SLC4A4: variants seen among roughly 807,000 people sequenced by gnomAD.
The protein encoded by SLC4A4 is electrogenic sodium bicarbonate cotransporter 1.
In SLC4A4, 27 loss-of-function variants were observed where a neutral mutation model predicts 111.5. The observed-to-expected ratio is 0.24, with a 90% CI of 0.18 to 0.33. The LOEUF (loss-of-function observed/expected upper bound fraction) is 0.33, where lower values mean the gene tolerates loss of function less well. Among genes scored for constraint, SLC4A4 ranks in the 10% least tolerant of loss-of-function variants. The pLI is 1.00. For missense variants in SLC4A4, 909 were observed against 1,315.5 expected (o/e 0.69, Z 4.78); for synonymous variants, 443 against 463.4 (o/e 0.96, Z 0.57).
chr4:71,230,027 T>A (rs1719313283), intron 1 of SLC4A4, among the ~76,000 whole-genome samples: 1 of 152,036 alleles, frequency 6.6e-6, no homozygotes. Flanking sequence ...GAGCAGATTT[T>A]ACAAAACAAC....
At chr4:71,330,057 A>G (rs557736645) in intron 3 of SLC4A4, among the ~76,000 whole-genome samples, 3 of 152,188 alleles carry the variant, frequency 2.0e-5, no homozygotes, top group South Asian at 2.1e-4. Context: ...TTCAGCATCA[A>G]TTGAAATGAT....
intron 1 of SLC4A4, among the ~76,000 whole-genome samples, chr4:71,234,806 T>C (rs559872093): frequency 1.3e-5 from 2 of 152,318 alleles, no homozygotes; most frequent in Non-Finnish European, 2.9e-5. Flanking sequence ...CATTCAGTTT[T>C]CTATTTTTAG....
intron 14 of SLC4A4, among the ~76,000 whole-genome samples, chr4:71,480,372 AG>A (rs2149121070): frequency 6.6e-6 from 1 of 151,388 alleles, no homozygotes; most frequent in East Asian, 2.0e-4. Flanking sequence ...AAGGATAATA[AG>A]AAAAAAAAAA....
chr4:71,193,405 C>T (rs554805722), intron 1 of SLC4A4, among the ~76,000 whole-genome samples: 122 of 152,292 alleles, frequency 8.0e-4, no homozygotes, highest in East Asian at 3.5e-3. Context: ...GTGATCCGCC[C>T]GCCTTGGCCT....
At chr4:71,068,921 T>C (rs1741600768) in intron 1 of SLC4A4, among the ~76,000 whole-genome samples, 1 of 152,174 alleles carries the variant, frequency 6.6e-6, no homozygotes, top group Non-Finnish European at 1.5e-5. Context: ...TGGGAGTGAC[T>C]GATACAAAGT....
intron 7 of SLC4A4, among the ~76,000 whole-genome samples, chr4:71,422,532 C>A (rs1266369867): frequency 3.8e-4 from 58 of 151,782 alleles, no homozygotes; most frequent in Admixed American, 6.6e-4. Flanking sequence ...GAGACACAAC[C>A]AAAAAAGAGA....
intron 16 of SLC4A4, among the ~76,000 whole-genome samples, chr4:71,505,450 A>G (rs1731331891): frequency 6.6e-6 from 1 of 151,296 alleles, no homozygotes. Context: ...ATGATTAGTA[A>G]TGTTGAGGTT....
chr4:71,552,074 A>AG (rs1218951258), intron 20 of SLC4A4, among the ~76,000 whole-genome samples: 18 of 151,896 alleles, frequency 1.2e-4, no homozygotes, highest in East Asian at 5.8e-4. Flanking sequence ...CAATTGCAGC[A>AG]GGCTTCTTGA....
chr4:71,161,363 T>C (rs1283987470), intron 2 of SLC4A4, among the ~76,000 whole-genome samples: 1 of 152,140 alleles, frequency 6.6e-6, no homozygotes, highest in Non-Finnish European at 1.5e-5. Context: ...TATCCTATTG[T>C]TGTGTTTTAC....
At chr4:71,222,490 A>T (rs556343014) in intron 1 of SLC4A4, among the ~76,000 whole-genome samples, 2 of 152,270 alleles carry the variant, frequency 1.3e-5, no homozygotes, top group Admixed American at 1.3e-4. Flanking sequence ...CGATTTTTAA[A>T]TTTTGGGTAT....
At chr4:71,272,995 C>T (rs1448042097) in intron 3 of SLC4A4, among the ~76,000 whole-genome samples, 1 of 152,180 alleles carries the variant, frequency 6.6e-6, no homozygotes, top group Non-Finnish European at 1.5e-5. Context: ...AGATGTCACT[C>T]CAATTTTGTG....
chr4:71,197,075 C>T (rs2148999663), intron 1 of SLC4A4, among the ~76,000 whole-genome samples: 1 of 150,968 alleles, frequency 6.6e-6, no homozygotes, highest in African/African-American at 2.4e-5. Flanking sequence ...ATTACCCAGG[C>T]ATGGTGGTGG....
At chr4:71,128,743 C>A (rs949850943) in intron 2 of SLC4A4, among the ~76,000 whole-genome samples, 1 of 152,142 alleles carries the variant, frequency 6.6e-6, no homozygotes, top group Non-Finnish European at 1.5e-5. Context: ...ACTGACTTGA[C>A]CTCCCAAAGT....
intron 1 of SLC4A4, among the ~76,000 whole-genome samples, chr4:71,072,927 C>T (rs977274938): frequency 3.3e-5 from 5 of 151,750 alleles, no homozygotes; most frequent in Non-Finnish European, 7.4e-5. Context: ...GCCACTATGC[C>T]CAGTTAATTT....
chr4:71,367,637 T>C (rs1413059750), intron 6 of SLC4A4, among the ~76,000 whole-genome samples: 3 of 152,188 alleles, frequency 2.0e-5, no homozygotes, highest in Non-Finnish European at 4.4e-5. Flanking sequence ...CATTTCTCTT[T>C]TTCATTTTTC....
At chr4:71,369,067 T>A (rs892702890) in intron 6 of SLC4A4, among the ~76,000 whole-genome samples, 3 of 152,156 alleles carry the variant, frequency 2.0e-5, no homozygotes, top group Non-Finnish European at 4.4e-5. Context: ...GAGAACTCAG[T>A]GCCCTGCCTA....
At chr4:71,251,510 G>A (rs1007844504) in intron 2 of SLC4A4, among the ~76,000 whole-genome samples, 1 of 152,122 alleles carries the variant, frequency 6.6e-6, no homozygotes. Context: ...GTACGGATTG[G>A]GAGATATTCC....
intron 1 of SLC4A4, among the ~76,000 whole-genome samples, chr4:71,208,552 T>C (rs1490402292): frequency 1.3e-5 from 2 of 151,810 alleles, no homozygotes; most frequent in East Asian, 3.9e-4. Context: ...AATGTGGTAT[T>C]ACACAATTTA....
In SLC4A4 at chr4:71,359,954, T is replaced by C. The variant is rs563857549; in HGVS notation, c.730+2767T>C. On this transcript the variant is annotated intron_variant, in intron 6 of 25. Transcript: ENST00000264485. ...GAGATAACTTCAAAGTTGTGAATTT[T>C]TTCATTTCATGGTAGTGTACTGGAG... 3.3e-5 allele frequency among the ~76,000 whole-genome samples: 5 copies of C among 152,302 alleles called. No homozygotes were observed. The South Asian group carries it at 1.0e-3, about 32-fold the overall frequency.
Sources: allele counts gnomAD v4.1 joint callset (sites outside exome capture counted in the v4.1 genomes callset), GRCh38; gene constraint gnomAD v4.1.1; transcripts MANE v1.5; gene names NCBI Gene and HGNC (gene_info 2026-07-23, HGNC 2026-07-21).